Variants in CTNNA3 observed in about 807,000 individuals in gnomAD.
CTNNA3 encodes catenin alpha-3.
A neutral mutation model predicts 95.7 loss-of-function variants in CTNNA3; 76 were observed. The observed-to-expected ratio is 0.79, with a 90% CI of 0.66 to 0.96. The LOEUF (loss-of-function observed/expected upper bound fraction) is 0.96. Ranked by LOEUF, CTNNA3 falls within the 40% of genes least tolerant of loss-of-function variation. The pLI, the probability that CTNNA3 is intolerant of heterozygous loss-of-function variation, is 0.00. For missense variants in CTNNA3, 1,191 were observed against 1,089.8 expected (o/e 1.09, Z -1.31); for synonymous variants, 431 against 374.4 (o/e 1.15, Z -1.74).
At chr10:67,458,549 T>A (rs1847255239) in intron 5 of CTNNA3, among the ~76,000 whole-genome samples, 1 of 151,990 alleles carries the variant, frequency 6.6e-6, no homozygotes, top group Non-Finnish European at 1.5e-5. Flanking sequence ...CTAACAGTGA[T>A]GAATCTCAAG....
chr10:65,944,885 TATCTATC>T (rs939374465), intron 17 of CTNNA3, among the ~76,000 whole-genome samples: 1 of 148,836 alleles, frequency 6.7e-6, no homozygotes, highest in Non-Finnish European at 1.5e-5. Flanking sequence ...TCTATCTATC[TATCTATC>T]TATCTATCAT....
At chr10:66,200,045 C>T (rs2087292258) in intron 13 of CTNNA3, among the ~76,000 whole-genome samples, 1 of 150,800 alleles carries the variant, frequency 6.6e-6, no homozygotes, top group African/African-American at 2.4e-5. Flanking sequence ...TTTTAAACAC[C>T]TTTCTACAAA....
rs891048470 is a variant in CTNNA3 at position 66,130,609 on chromosome 10, C to T, written c.1885-27360G>A. On this transcript the variant is annotated intron_variant, in intron 13 of 17. Coordinates refer to ENST00000433211, the MANE Select transcript of CTNNA3 (RefSeq NM_013266.4). ...CCTGTAATCCCAGCACTTTAGGAAG[C>T]TAAGGCAGGAGGATCGTGAGGTCTC... 2.0e-5 allele frequency among the ~76,000 whole-genome samples: 3 copies of T among 152,022 alleles called. No individual in the cohort carries two copies. In the South Asian group the frequency reaches 6.2e-4, roughly 32 times the overall value.
chr10:66,214,620 GGAAA>G (rs1021306397), intron 13 of CTNNA3, among the ~76,000 whole-genome samples: 3 of 151,914 alleles, frequency 2.0e-5, no homozygotes, highest in Non-Finnish European at 4.4e-5. Context: ...AAATATTTCA[GGAAA>G]GAGAGGGAGA....
intron 11 of CTNNA3, among the ~76,000 whole-genome samples, chr10:66,394,717 C>A (rs1242244353): frequency 1.3e-5 from 2 of 151,948 alleles, no homozygotes; most frequent in Non-Finnish European, 2.9e-5. Context: ...CTCTGTTGCT[C>A]GATTGTCTTA....
intron 9 of CTNNA3, among the ~76,000 whole-genome samples, chr10:66,727,393 T>C (rs558402017): frequency 2.0e-5 from 3 of 152,184 alleles, no homozygotes; most frequent in African/African-American, 7.2e-5. Flanking sequence ...TATTACTCTT[T>C]TAAACTAGTC....
chr10:67,160,708 T>A (rs1020028927), intron 7 of CTNNA3, among the ~76,000 whole-genome samples: 1 of 152,158 alleles, frequency 6.6e-6, no homozygotes, highest in Non-Finnish European at 1.5e-5. Flanking sequence ...AGTGCTGGGA[T>A]TACAGGTGTG....
At chr10:66,991,304 C>T (rs1489833855) in intron 7 of CTNNA3, among the ~76,000 whole-genome samples, 4 of 151,954 alleles carry the variant, frequency 2.6e-5, no homozygotes, top group Admixed American at 6.6e-5. Flanking sequence ...TTTCTAAGTG[C>T]CAATGTCCAG....
chr10:66,864,938 G>C (rs1844105934), intron 7 of CTNNA3, among the ~76,000 whole-genome samples: 1 of 151,960 alleles, frequency 6.6e-6, no homozygotes, highest in African/African-American at 2.4e-5. Flanking sequence ...TATACATTTA[G>C]ATATTTTATA....
intron 13 of CTNNA3, among the ~76,000 whole-genome samples, chr10:66,274,017 T>C (rs1233238401): frequency 6.6e-6 from 1 of 151,730 alleles, no homozygotes; most frequent in Non-Finnish European, 1.5e-5. Context: ...GGAAAACTAA[T>C]AAAAAGGTGA....
intron 2 of CTNNA3, among the ~76,000 whole-genome samples, chr10:67,620,031 C>T (rs1843776705): frequency 6.6e-6 from 1 of 151,874 alleles, no homozygotes; most frequent in African/African-American, 2.4e-5. Context: ...TGTTGAAAAG[C>T]AGTGGGCCTG....
chr10:66,410,918 A>G (rs892341438), intron 11 of CTNNA3, among the ~76,000 whole-genome samples: 2 of 152,214 alleles, frequency 1.3e-5, no homozygotes, highest in African/African-American at 4.8e-5. Context: ...CTTAAAGGCA[A>G]TTGAGCCCTC....
chr10:67,145,159 G>C (rs1459895274), intron 7 of CTNNA3, among the ~76,000 whole-genome samples: 1 of 152,096 alleles, frequency 6.6e-6, no homozygotes, highest in African/African-American at 2.4e-5. Context: ...CATGTTCCAT[G>C]GTGCGCCAAA....
chr10:66,392,897 T>C (rs1319922577), intron 11 of CTNNA3, among the ~76,000 whole-genome samples: 1 of 152,028 alleles, frequency 6.6e-6, no homozygotes, highest in Non-Finnish European at 1.5e-5. Context: ...CATACCTTGG[T>C]ATTTACCCAG....
chr10:66,524,189 T>C (rs1841168485), intron 10 of CTNNA3, among the ~76,000 whole-genome samples: 1 of 152,206 alleles, frequency 6.6e-6, no homozygotes. Context: ...GTGAAGCCTG[T>C]TTAAAAAATA....
At chr10:67,232,139 CAGAT>C (rs1427160759) in intron 5 of CTNNA3, among the ~76,000 whole-genome samples, 3 of 152,006 alleles carry the variant, frequency 2.0e-5, no homozygotes, top group African/African-American at 7.3e-5. Flanking sequence ...GGCCAACATT[CAGAT>C]TCAGGAAATA....
At chr10:66,737,543 T>A (rs1182289349) in intron 9 of CTNNA3, among the ~76,000 whole-genome samples, 2 of 152,220 alleles carry the variant, frequency 1.3e-5, no homozygotes, top group African/African-American at 4.8e-5. Flanking sequence ...CACATAGAAA[T>A]GACAACATGG....
intron 9 of CTNNA3, among the ~76,000 whole-genome samples, chr10:66,653,166 A>G (rs1214544493): frequency 2.0e-5 from 3 of 152,146 alleles, no homozygotes; most frequent in Non-Finnish European, 2.9e-5. Context: ...GGAAAAGAGG[A>G]AGTCAAATTG....
intron 1 of CTNNA3, among the ~76,000 whole-genome samples, chr10:67,762,698 A>T (rs552766515): frequency 6.6e-6 from 1 of 152,348 alleles, no homozygotes; most frequent in Admixed American, 6.5e-5. Context: ...AAGAAAGAAG[A>T]AGTAAAAACT....
Sources: gnomAD v4.1 joint callset for allele counts (sites outside exome capture counted in the v4.1 genomes callset) on GRCh38, gnomAD v4.1.1 for gene constraint, MANE v1.5 for transcripts, NCBI Gene and HGNC (gene_info 2026-07-23, HGNC 2026-07-21) for gene names.